TMEM212: variants seen among roughly 807,000 people sequenced by gnomAD.
TMEM212 encodes the protein transmembrane protein 212.
In TMEM212, 23 loss-of-function variants were observed where a neutral mutation model predicts 20.5. The observed-to-expected ratio is 1.12, with a 90% CI of 0.81 to 1.59. TMEM212 has a LOEUF of 1.59. Ranked by LOEUF, TMEM212 falls within the 40% of genes most tolerant of loss-of-function variation. TMEM212 has a pLI of 0.00. For missense variants in TMEM212, 211 were observed against 215.0 expected (o/e 0.98, Z 0.12); for synonymous variants, 76 against 81.6 (o/e 0.93, Z 0.37).
chr3:171,843,498 G>A lies in TMEM212; in HGVS notation c.115G>A (p.Gly39Arg). ...PVFSYKPWFTGWSVRIACPIW... is the reference protein window; with the variant it reads ...PVFSYKPWFTRWSVRIACPIW... Reference sequence around the variant, plus strand: ...CTTTTCTTACAAGCCTTGGTTCACAGGATGGAGTGTTCGAATTGCTTGTCC... The same window carrying A: ...CTTTTCTTACAAGCCTTGGTTCACAAGATGGAGTGTTCGAATTGCTTGTCC... Residue 39 changes from glycine to arginine, a missense_variant, in exon 1 of 5, where the codon GGA becomes AGA. By Grantham distance (125) the Gly-to-Arg change is moderately radical. Transcript: ENST00000334567. 1 of 1,536,976 alleles carries A rather than the reference G, an allele frequency of 6.5e-7. No individual in the cohort carries two copies. The highest frequency in any genetic ancestry group is 8.7e-7 in the Non-Finnish European group (1 of 1,146,762).
rs767053028 is a variant in TMEM212, at chr3:171,843,411, C to G, written c.28C>G (p.Arg10Gly). 231 of 1,536,274 alleles carry G rather than the reference C, an allele frequency of 1.5e-4. No individual in the cohort carries two copies. Among genetic ancestry groups the G allele is most frequent in the Non-Finnish European group, 2.0e-4 (228 of 1,146,512 alleles). The part of the protein sequence containing the change: MKGLYQAAG[R>G]ILVTLGILSV... ...GAAGGGCCTCTACCAGGCTGCTGGC[C>G]GGATTCTTGTTACTCTGGGGATCCT... The change falls in exon 1 of 5, where the codon CGG becomes GGG. Residue 10 changes from arginine (R) to glycine (G), a missense_variant. Transcript: ENST00000334567.
intron 1 of TMEM212, among the ~76,000 whole-genome samples, chr3:171,845,896 G>A (rs1466793582): frequency 6.6e-6 from 1 of 152,192 alleles, no homozygotes; most frequent in Non-Finnish European, 1.5e-5. Context: ...AACAAAGATT[G>A]TATAATAAAG....
intron 3 of TMEM212, among the ~76,000 whole-genome samples, chr3:171,855,401 T>G (rs546752980): frequency 6.6e-6 from 1 of 152,222 alleles, no homozygotes; most frequent in South Asian, 2.1e-4. Flanking sequence ...TCACTTGAGG[T>G]CAGGAGTTCA....
At chr3:171,853,899 A>C in intron 3 of TMEM212, 49 bp downstream of exon 3, 1 of 1,408,920 alleles carries the variant, frequency 7.1e-7, no homozygotes, top group Non-Finnish European at 9.6e-7. Context: ...CTTGTATGCT[A>C]AAATGGAAAG....
At chr3:171,848,646 G>GTGGAT (rs1724896461) in intron 1 of TMEM212, among the ~76,000 whole-genome samples, 1 of 118,828 alleles carries the variant, frequency 8.4e-6, no homozygotes, top group Non-Finnish European at 1.8e-5. Context: ...GTGGAGTGGA[G>GTGGAT]TGGAGTGGAA....
intron 1 of TMEM212, among the ~76,000 whole-genome samples, chr3:171,844,877 A>G (rs541233146): frequency 5.3e-5 from 8 of 152,342 alleles, no homozygotes; most frequent in South Asian, 2.1e-4. Context: ...TTGAGTTACA[A>G]TGAAGGATCC....
chr3:171,851,428 A>G (rs1314605534), intron 1 of TMEM212, among the ~76,000 whole-genome samples: 1 of 152,266 alleles, frequency 6.6e-6, no homozygotes, highest in Non-Finnish European at 1.5e-5. Flanking sequence ...ACCCAGAACA[A>G]TAAATGCCAC....
intron 4 of TMEM212, among the ~76,000 whole-genome samples, 180 bp from the exon 5 acceptor site, chr3:171,857,881 C>T (rs369521988): frequency 4.6e-5 from 7 of 151,396 alleles, no homozygotes; most frequent in East Asian, 3.9e-4. Flanking sequence ...TATTATCAAC[C>T]GGGTAAGAGA....
rs564433730 is a variant in TMEM212, at chr3:171,858,089, A to T, written c.*32A>T. 2.6e-5 allele frequency: 4 copies of T among 152,246 alleles called. No homozygotes were observed. Among genetic ancestry groups the T allele is most frequent in the African/African-American group, 9.6e-5 (4 of 41,498 alleles). 9.4% of individuals were successfully genotyped at this position (152,246 alleles called of 1,614,324 possible). ...TGGAAAAAACTAAAGTTCATATGGG[A>T]CCAAAAAAGAGCCCGCATACCCAAG... is the stretch of plus-strand genomic sequence containing the variant. On this transcript the variant is annotated 3_prime_UTR_variant, in exon 5 of 5. Transcript: ENST00000334567.
At chr3:171,851,420 C>T (rs775854873) in intron 1 of TMEM212, among the ~76,000 whole-genome samples, 1 of 152,104 alleles carries the variant, frequency 6.6e-6, no homozygotes, top group African/African-American at 2.4e-5. Flanking sequence ...ACCACTGTAC[C>T]CAGAACAATA....
intron 1 of TMEM212, among the ~76,000 whole-genome samples, chr3:171,851,747 T>C (rs766151046): frequency 3.4e-4 from 52 of 152,332 alleles, no homozygotes; most frequent in Non-Finnish European, 4.7e-4. Context: ...AAAGGCAACA[T>C]AGAGAATCAA....
intron 3 of TMEM212, among the ~76,000 whole-genome samples, chr3:171,854,501 A>C (rs1343093217): frequency 3.3e-5 from 5 of 152,236 alleles, no homozygotes; most frequent in Admixed American, 3.3e-4. Flanking sequence ...AATTGAACAC[A>C]CAAATAAATA....
intron 1 of TMEM212, among the ~76,000 whole-genome samples, chr3:171,850,757 G>A (rs928720178): frequency 1.3e-5 from 2 of 152,174 alleles, no homozygotes; most frequent in African/African-American, 4.8e-5. Flanking sequence ...AGATGGTTCT[G>A]TTTTTATCCA....
At chr3:171,857,503 A>T (rs955577971) in intron 4 of TMEM212, among the ~76,000 whole-genome samples, 5 of 152,238 alleles carry the variant, frequency 3.3e-5, no homozygotes, top group African/African-American at 9.6e-5. Flanking sequence ...TTTTTTGGAT[A>T]TGACATGAAA....
At chr3:171,851,959 A>C in intron 1 of TMEM212, 23 bp from the exon 2 acceptor site, 5 of 1,535,800 alleles carry the variant, frequency 3.3e-6, no homozygotes, top group Non-Finnish European at 4.4e-6. Context: ...GTGGATGTTT[A>C]TTTTTCCATT....
intron 1 of TMEM212, among the ~76,000 whole-genome samples, chr3:171,845,291 T>A (rs575985896): frequency 1.3e-5 from 2 of 152,332 alleles, no homozygotes. Flanking sequence ...TATCTACATC[T>A]ATTATGTATA....
At chr3:171,845,506 A>G (rs1445465487) in intron 1 of TMEM212, among the ~76,000 whole-genome samples, 1 of 152,224 alleles carries the variant, frequency 6.6e-6, no homozygotes. Flanking sequence ...TCAGACTGCA[A>G]CATAATACAT....
At chr3:171,843,758 T>C (rs1041730861) in intron 1 of TMEM212, among the ~76,000 whole-genome samples, 2 of 152,204 alleles carry the variant, frequency 1.3e-5, no homozygotes, top group East Asian at 1.9e-4. Flanking sequence ...ACATGTATAT[T>C]ATGTATTTTT....
chr3:171,843,557 T>C lies in TMEM212; in HGVS notation c.159+15T>C. The C allele has an allele frequency of 1.3e-6, 2 of 1,514,326 alleles. No individual in the cohort carries two copies. Among genetic ancestry groups the C allele is most frequent in the South Asian group, 2.5e-5 (2 of 79,570 alleles). 93.8% of individuals were successfully genotyped at this position (1,514,326 alleles called of 1,614,324 possible). On this transcript the variant is annotated intron_variant, in intron 1 of 4. Transcript: ENST00000334567. Reference sequence around the variant, plus strand: ...ATGGAGCTTTGGTATGAAAATAGTTTATTAAATATATTGAGAAAATAAAAG... The same window carrying C: ...ATGGAGCTTTGGTATGAAAATAGTTCATTAAATATATTGAGAAAATAAAAG...
Sources: gnomAD v4.1 joint callset for allele counts (sites outside exome capture counted in the v4.1 genomes callset) on GRCh38, gnomAD v4.1.1 for gene constraint, MANE v1.5 for transcripts, NCBI Gene and HGNC (gene_info 2026-07-23, HGNC 2026-07-21) for gene names.